EHF: variants seen among roughly 807,000 people sequenced by gnomAD.
EHF encodes the protein ETS homologous factor, also known as ESE3 transcription factor.
In EHF, 14 loss-of-function variants were observed where a neutral mutation model predicts 45.1. That is an observed-to-expected ratio of 0.31 (90% CI 0.21 to 0.49). The LOEUF (loss-of-function observed/expected upper bound fraction) is 0.49. EHF is among the 20% of genes least tolerant of loss of function. The pLI, the probability that EHF is intolerant of heterozygous loss-of-function variation, is 0.99. For missense variants in EHF, 282 were observed against 371.4 expected (o/e 0.76, Z 1.98); for synonymous variants, 136 against 131.8 (o/e 1.03, Z -0.22).
At chr11:34,653,599 C>T (rs1334718312) in intron 6 of EHF, among the ~76,000 whole-genome samples, 1 of 152,112 alleles carries the variant, frequency 6.6e-6, no homozygotes, top group East Asian at 1.9e-4. Flanking sequence ...AGATCAATCA[C>T]CCAGGCCCTA....
At chr11:34,623,183 T>A (rs1334570035) in intron 1 of EHF, among the ~76,000 whole-genome samples, 1 of 152,134 alleles carries the variant, frequency 6.6e-6, no homozygotes, top group East Asian at 1.9e-4. Context: ...CCTCCCAGGT[T>A]CAAGTGATTC....
Position 34,653,649 on chromosome 11 carries a change from G to A in EHF, c.544+1844G>A, listed in dbSNP as rs1855408624. Among the ~76,000 whole-genome samples the A allele has an allele frequency of 2.0e-5, 3 of 152,182 alleles. No individual in the cohort carries two copies. The South Asian group carries it at 6.2e-4, about 32-fold the overall frequency. ...TCTCTGGGGTTGGTGTATTCATTGGGGTAATAGCCCTTCAGTAGGATAGTT... is the reference window on the plus strand; with the variant it reads ...TCTCTGGGGTTGGTGTATTCATTGGAGTAATAGCCCTTCAGTAGGATAGTT... On this transcript the variant is annotated intron_variant, in intron 6 of 8. Transcript: ENST00000257831.
intron 3 of EHF, among the ~76,000 whole-genome samples, chr11:34,647,161 A>G (rs1356646937): frequency 6.6e-6 from 1 of 151,540 alleles, no homozygotes; most frequent in Non-Finnish European, 1.5e-5. Flanking sequence ...GTAAGAAGAT[A>G]TATGAAATTA....
intron 6 of EHF, among the ~76,000 whole-genome samples, chr11:34,656,066 AC>A (rs1777801441): frequency 6.6e-6 from 1 of 151,944 alleles, no homozygotes; most frequent in South Asian, 2.1e-4. Context: ...ACACACACAC[AC>A]ACACACACAC....
Position 34,651,924 on chromosome 11 carries a change from G to T in EHF, c.544+119G>T, listed in dbSNP as rs1488123388. Reference sequence around the variant, plus strand: ...TCTTTCTAATTAAAGGGCTAGGAAAGGGATGGGGTTACCATTAGACGAGGT... The same window carrying T: ...TCTTTCTAATTAAAGGGCTAGGAAATGGATGGGGTTACCATTAGACGAGGT... On this transcript the variant is annotated intron_variant, in intron 6 of 8. Coordinates refer to ENST00000257831, the MANE Select transcript of EHF (RefSeq NM_012153.6). 9.1e-6 allele frequency: 9 copies of T among 985,894 alleles called. No individual in the cohort carries two copies. The East Asian group carries it at 2.2e-4, about 24-fold the overall frequency. The allele number at this position is 985,894 out of a possible 1,614,324, so 61.1% of individuals were successfully genotyped here.
chr11:34,645,335 G>A (rs1483341002), intron 2 of EHF, among the ~76,000 whole-genome samples: 2 of 152,142 alleles, frequency 1.3e-5, no homozygotes, highest in African/African-American at 4.8e-5. Context: ...GTACCATCTT[G>A]TGAATGTACC....
chr11:34,641,658 C>T (rs528651582), intron 1 of EHF, among the ~76,000 whole-genome samples: 1 of 152,132 alleles, frequency 6.6e-6, no homozygotes, highest in Admixed American at 6.5e-5. Flanking sequence ...TGCCCAATAG[C>T]GATCTGGAAA....
chr11:34,646,027 G>GGTGTGTGTGT (rs71041935), intron 2 of EHF, among the ~76,000 whole-genome samples: 4 of 144,224 alleles, frequency 2.8e-5, no homozygotes, highest in Admixed American at 6.9e-5. Flanking sequence ...TGAGTTTGGT[G>GGTGTGTGTGT]GTGTGTGTGT....
intron 4 of EHF, among the ~76,000 whole-genome samples, chr11:34,651,165 T>TC (rs772501743): frequency 1.3e-5 from 2 of 149,006 alleles, no homozygotes; most frequent in Non-Finnish European, 3.0e-5. Flanking sequence ...AACAAGGCCT[T>TC]CCCCCCCACC....
At chr11:34,628,728 G>A (rs760381232) in intron 1 of EHF, among the ~76,000 whole-genome samples, 1 of 152,182 alleles carries the variant, frequency 6.6e-6, no homozygotes, top group East Asian at 1.9e-4. Context: ...GACCTCAGGA[G>A]GTAGTGCATG....
intron 6 of EHF, among the ~76,000 whole-genome samples, chr11:34,655,824 A>T (rs945059494): frequency 2.0e-5 from 3 of 152,144 alleles, no homozygotes; most frequent in African/African-American, 7.2e-5. Context: ...TGATAATTGA[A>T]TGGATGCTGT....
intron 4 of EHF, 62 bp from the exon 5 acceptor site, chr11:34,651,480 C>A (rs192696084): frequency 1.4e-6 from 2 of 1,408,490 alleles, no homozygotes; most frequent in Non-Finnish European, 2.0e-6. Flanking sequence ...AATTAGAAAA[C>A]GCAGCCTCTT....
At chr11:34,632,558 T>C (rs1328820190) in intron 1 of EHF, 1 of 1,535,510 alleles carries the variant, frequency 6.5e-7, no homozygotes, top group Non-Finnish European at 8.7e-7. Flanking sequence ...CAACTCCACG[T>C]CCTAGTCAGA....
At chr11:34,622,254 T>C (rs775843071) in intron 1 of EHF, 1 of 278,066 alleles carries the variant, frequency 3.6e-6, no homozygotes, top group Non-Finnish European at 7.1e-6. Flanking sequence ...ATGGTGGGAG[T>C]GTGTGTTTTT....
chr11:34,639,993 C>A (rs1281237974), intron 1 of EHF, among the ~76,000 whole-genome samples: 3 of 152,016 alleles, frequency 2.0e-5, no homozygotes, highest in African/African-American at 4.8e-5. Context: ...GAGAACTGGC[C>A]CATATTGTTC....
At position 34,643,552 on chromosome 11, in the gene EHF, C is replaced by T. The variant is rs56760258; in HGVS notation, c.97+825C>T. Among the ~76,000 whole-genome samples the T allele has an allele frequency of 7.2e-3, 1,096 of 152,288 alleles. 11 individuals are homozygous for T. The highest frequency in any genetic ancestry group is 0.025 in the African/African-American group (1,038 of 41,562). ...GGAGATGGTTTGTTGGTGACCAGAG[C>T]TTGGGAGGAGGCAGAAGTGGGAGGA... On this transcript the variant is annotated intron_variant, in intron 2 of 8. Coordinates refer to ENST00000257831, the MANE Select transcript of EHF (RefSeq NM_012153.6).
At chr11:34,655,650 A>T (rs576227785) in intron 6 of EHF, among the ~76,000 whole-genome samples, 1 of 152,326 alleles carries the variant, frequency 6.6e-6, no homozygotes, top group Admixed American at 6.5e-5. Flanking sequence ...TACCTGTGTC[A>T]TAGAGTTATT....
At chr11:34,637,184 A>G (rs1853512207) in intron 1 of EHF, among the ~76,000 whole-genome samples, 1 of 152,168 alleles carries the variant, frequency 6.6e-6, no homozygotes, top group South Asian at 2.1e-4. Context: ...GCCACCGACC[A>G]GCAGCCAAAA....
chr11:34,622,936 C>A (rs443816), intron 1 of EHF, among the ~76,000 whole-genome samples: 23 of 152,082 alleles, frequency 1.5e-4, no homozygotes, highest in Non-Finnish European at 2.4e-4. Flanking sequence ...CTTACATGAC[C>A]GCGCAAGATG....
Sources: allele counts gnomAD v4.1 joint callset (sites outside exome capture counted in the v4.1 genomes callset), GRCh38; gene constraint gnomAD v4.1.1; transcripts MANE v1.5; gene names NCBI Gene and HGNC (gene_info 2026-07-23, HGNC 2026-07-21).